The following TRAK1 variants were observed in gnomAD, a reference collection of about 807,000 sequenced individuals.
The protein encoded by TRAK1 is trafficking kinesin-binding protein 1.
TRAK1 carries 33 observed loss-of-function variants against 92.1 expected under a neutral mutation model. That is an observed-to-expected ratio of 0.36 (90% confidence interval 0.27 to 0.48). The LOEUF is 0.48. TRAK1 is among the 20% of genes least tolerant of loss of function. The pLI, the probability that TRAK1 is intolerant of heterozygous loss-of-function variation, is 0.99. For missense variants in TRAK1, 1,123 were observed against 1,257.9 expected (o/e 0.89, Z 1.62); for synonymous variants, 521 against 517.3 (o/e 1.01, Z -0.10).
chr3:42,111,658 G>A (rs988597223), intron 1 of TRAK1, among the ~76,000 whole-genome samples: 12 of 152,118 alleles, frequency 7.9e-5, no homozygotes, highest in African/African-American at 2.9e-4. Flanking sequence ...GCCTCCCAAA[G>A]TGCTGGGATA....
intron 14 of TRAK1, among the ~76,000 whole-genome samples, chr3:42,216,388 A>T (rs753677795): frequency 9.9e-5 from 15 of 152,182 alleles, no homozygotes; most frequent in Non-Finnish European, 2.1e-4. Flanking sequence ...CCCGAGGAGC[A>T]TGGGCACTCA....
At chr3:42,199,399 A>G (rs1707209109) in intron 11 of TRAK1, 146 bp downstream of exon 11, 1 of 688,212 alleles carries the variant, frequency 1.5e-6, no homozygotes, top group African/African-American at 1.8e-5. Flanking sequence ...AAATAATAGA[A>G]CACAGCTGAC....
At chr3:42,151,586 C>G (rs193103589) in intron 2 of TRAK1, among the ~76,000 whole-genome samples, 190 of 152,192 alleles carry the variant, frequency 1.2e-3, no homozygotes, top group East Asian at 3.1e-3. Flanking sequence ...TTTCATACTC[C>G]CATTTAAAGA....
At chr3:42,018,087 CAAAAAA>C (rs397989329) in intron 1 of TRAK1, among the ~76,000 whole-genome samples, 2 of 114,302 alleles carry the variant, frequency 1.7e-5, no homozygotes, top group African/African-American at 3.5e-5. Context: ...CTCATTGTTA[CAAAAAA>C]AAAAAAAAAA....
intron 1 of TRAK1, among the ~76,000 whole-genome samples, chr3:42,039,159 T>G (rs1702441141): frequency 6.6e-6 from 1 of 152,168 alleles, no homozygotes; most frequent in South Asian, 2.1e-4. Flanking sequence ...TTTTGGACAT[T>G]TCATGTAAAC....
chr3:42,042,563 G>T (rs867561300), intron 1 of TRAK1, among the ~76,000 whole-genome samples: 4 of 151,898 alleles, frequency 2.6e-5, no homozygotes, highest in South Asian at 2.1e-4. Flanking sequence ...TAGAGATGGG[G>T]TTTTGCCATG....
chr3:42,080,709 A>C (rs1704389987), intron 1 of TRAK1, among the ~76,000 whole-genome samples: 2 of 152,070 alleles, frequency 1.3e-5, no homozygotes, highest in Admixed American at 6.6e-5. Context: ...AAAGATTGTC[A>C]CCTTTGCCCT....
chr3:42,188,750 C>T (rs577219133), intron 5 of TRAK1, among the ~76,000 whole-genome samples: 20 of 152,328 alleles, frequency 1.3e-4, no homozygotes, highest in African/African-American at 4.8e-4. Context: ...AATAAACTCC[C>T]AGACATCCTG....
At chr3:42,035,446 C>T (rs1559712863) in intron 1 of TRAK1, among the ~76,000 whole-genome samples, 3 of 152,294 alleles carry the variant, frequency 2.0e-5, no homozygotes, top group Admixed American at 6.5e-5. Flanking sequence ...CCTGTACAAA[C>T]GCTTCCCGGC....
chr3:42,211,339 T>C (rs1402731648), intron 14 of TRAK1: 2 of 985,372 alleles, frequency 2.0e-6, no homozygotes, highest in African/African-American at 3.5e-5. Context: ...TCATGTGATT[T>C]GTTTAGCACA....
chr3:42,182,078 C>T (rs1051984024), intron 3 of TRAK1, among the ~76,000 whole-genome samples: 1 of 150,578 alleles, frequency 6.6e-6, no homozygotes, highest in Non-Finnish European at 1.5e-5. Context: ...GCTGGGATTA[C>T]AGGCATGAGC....
chr3:42,041,136 C>CT (rs1702524686), intron 1 of TRAK1, among the ~76,000 whole-genome samples: 1 of 123,160 alleles, frequency 8.1e-6, no homozygotes, highest in Admixed American at 7.5e-5. Context: ...TTAATTTATG[C>CT]TTAAAAAAAA....
At chr3:42,041,616 T>A (rs1702543191) in intron 1 of TRAK1, among the ~76,000 whole-genome samples, 1 of 151,542 alleles carries the variant, frequency 6.6e-6, no homozygotes, top group African/African-American at 2.4e-5. Flanking sequence ...TTTTTCTAAT[T>A]GCTCTGGCTA....
intron 14 of TRAK1, chr3:42,211,286 T>C: frequency 1.0e-6 from 1 of 985,408 alleles, no homozygotes; most frequent in Non-Finnish European, 1.2e-6. Context: ...TGGGATCAAC[T>C]TTTCCTTTTT....
At chr3:42,138,434 A>G (rs1698225746) in intron 2 of TRAK1, among the ~76,000 whole-genome samples, 2 of 152,228 alleles carry the variant, frequency 1.3e-5, no homozygotes, top group Non-Finnish European at 2.9e-5. Flanking sequence ...ATGCAAAGAC[A>G]TATTTTTAAA....
At chr3:42,026,876 T>C (rs1455572124) in intron 1 of TRAK1, among the ~76,000 whole-genome samples, 1 of 152,084 alleles carries the variant, frequency 6.6e-6, no homozygotes, top group African/African-American at 2.4e-5. Context: ...CCTTCTCCCC[T>C]CATATTTATA....
intron 1 of TRAK1, among the ~76,000 whole-genome samples, chr3:42,048,808 A>G (rs1702864758): frequency 6.7e-6 from 1 of 150,084 alleles, no homozygotes; most frequent in Non-Finnish European, 1.5e-5. Context: ...AAAGCAATCC[A>G]CTTGCCTCAG....
chr3:42,214,760 G>T (rs1189624759), intron 14 of TRAK1, among the ~76,000 whole-genome samples: 1 of 152,158 alleles, frequency 6.6e-6, no homozygotes, highest in Non-Finnish European at 1.5e-5. Context: ...GTTCCTGCTG[G>T]CCAGATGTCT....
At chr3:42,159,650 A>G (rs1391688522) in intron 2 of TRAK1, among the ~76,000 whole-genome samples, 6 of 152,218 alleles carry the variant, frequency 3.9e-5, no homozygotes, top group Non-Finnish European at 5.9e-5. Context: ...GTAGATTGAT[A>G]AAGAGAAAAT....
Sources: gnomAD v4.1 joint callset for allele counts (sites outside exome capture counted in the v4.1 genomes callset) on GRCh38, gnomAD v4.1.1 for gene constraint, MANE v1.5 for transcripts, NCBI Gene and HGNC (gene_info 2026-07-23, HGNC 2026-07-21) for gene names.